VRK2: variants seen among roughly 807,000 people sequenced by gnomAD.
VRK2 encodes the protein VRK serine/threonine kinase 2.
Under a neutral mutation model 57.6 loss-of-function variants are expected in VRK2, and 60 were observed. The observed-to-expected ratio is 1.04, with a 90% confidence interval of 0.85 to 1.29. The LOEUF is 1.29. Ranked by LOEUF, VRK2 falls within the 50% of genes most tolerant of loss-of-function variation. The pLI, the probability that VRK2 is intolerant of heterozygous loss-of-function variation, is 0.00. For synonymous variants in VRK2, 231 were observed against 199.2 expected (o/e 1.16, Z -1.35); for missense variants, 705 against 588.1 (o/e 1.20, Z -2.06).
At chr2:58,134,439 G>A (rs1679674909) in intron 9 of VRK2, among the ~76,000 whole-genome samples, 1 of 151,086 alleles carries the variant, frequency 6.6e-6, no homozygotes, top group Non-Finnish European at 1.5e-5. Flanking sequence ...GTGAAACCCC[G>A]TCTCTACTAA....
intron 2 of VRK2, among the ~76,000 whole-genome samples, chr2:58,065,814 C>CCATG (rs1412179604): frequency 1.3e-5 from 2 of 152,044 alleles, no homozygotes; most frequent in Non-Finnish European, 2.9e-5. Flanking sequence ...CATACTAGTC[C>CCATG]TATACATGTA....
At chr2:58,028,716 TCACACACC>T (rs1186734629) in intron 2 of VRK2, among the ~76,000 whole-genome samples, 1 of 149,584 alleles carries the variant, frequency 6.7e-6, no homozygotes, top group Non-Finnish European at 1.5e-5. Context: ...AAGGGGTACA[TCACACACC>T]GGGGCCTGTT....
At chr2:57,945,251 T>C (rs1176387342) in intron 1 of VRK2, among the ~76,000 whole-genome samples, 1 of 152,194 alleles carries the variant, frequency 6.6e-6, no homozygotes, top group Non-Finnish European at 1.5e-5. Flanking sequence ...AGATCCTGAA[T>C]TATATTTATA....
At chr2:57,973,599 AATT>A (rs1461323916) in intron 1 of VRK2, among the ~76,000 whole-genome samples, 1 of 151,840 alleles carries the variant, frequency 6.6e-6, no homozygotes, top group East Asian at 1.9e-4. Flanking sequence ...ACAAAATAAT[AATT>A]ATCTAGCAGC....
chr2:58,095,263 C>T (rs1672971422), intron 7 of VRK2, among the ~76,000 whole-genome samples: 1 of 145,694 alleles, frequency 6.9e-6, no homozygotes, highest in Non-Finnish European at 1.5e-5. Flanking sequence ...CACTGCACTC[C>T]AGCCTGGGTG....
rs533301651 is a variant in VRK2, at chr2:58,155,037, A to G, written c.1183-4312A>G. On this transcript the variant is annotated intron_variant, in intron 12 of 12. Transcript: ENST00000340157. Reference sequence around the variant, plus strand: ...AAATTTGTTAGGGTTTGTTTTATGGATAGGATATGACGGTCTGCCTGGTTG... The same window carrying G: ...AAATTTGTTAGGGTTTGTTTTATGGGTAGGATATGACGGTCTGCCTGGTTG... Among the ~76,000 whole-genome samples the G allele has an allele frequency of 1.6e-4, 24 of 151,968 alleles. 1 individual carries two copies. Among genetic ancestry groups the G allele is most frequent in the Non-Finnish European group, 3.5e-4 (24 of 68,004 alleles).
At chr2:58,084,251 T>C in intron 3 of VRK2, 113 bp downstream of exon 3, 5 of 1,075,362 alleles carry the variant, frequency 4.6e-6, no homozygotes, top group Non-Finnish European at 6.5e-6. Context: ...GTAAACCTAA[T>C]GTTATCATCT....
At chr2:58,153,274 G>C (rs986583910) in intron 12 of VRK2, among the ~76,000 whole-genome samples, 2 of 151,930 alleles carry the variant, frequency 1.3e-5, no homozygotes, top group Admixed American at 1.3e-4. Flanking sequence ...TCTGAAGTAT[G>C]GATATACCAT....
At chr2:57,946,088 G>C (rs1172619818) in intron 1 of VRK2, among the ~76,000 whole-genome samples, 1 of 152,074 alleles carries the variant, frequency 6.6e-6, no homozygotes, top group East Asian at 1.9e-4. Flanking sequence ...ATTTGCATTA[G>C]TAGGAGAGGA....
At chr2:58,133,743 AT>A (rs1286737653) in intron 9 of VRK2, among the ~76,000 whole-genome samples, 1 of 152,180 alleles carries the variant, frequency 6.6e-6, no homozygotes, top group Non-Finnish European at 1.5e-5. Flanking sequence ...AGATTTTGGA[AT>A]ATTTGCATTA....
chr2:58,004,346 G>T (rs985508586), intron 1 of VRK2, among the ~76,000 whole-genome samples: 1 of 152,100 alleles, frequency 6.6e-6, no homozygotes, highest in Admixed American at 6.5e-5. Context: ...TTTCTAAAAT[G>T]TATTACTGAG....
chr2:58,117,725 C>T (rs923657786), intron 7 of VRK2, among the ~76,000 whole-genome samples: 1 of 152,106 alleles, frequency 6.6e-6, no homozygotes, highest in African/African-American at 2.4e-5. Context: ...TTTGGAACTA[C>T]TGTCAAGTTT....
At position 58,159,724 on chromosome 2, in the gene VRK2, T is replaced by TTTAAG. The variant is rs749229884; in HGVS notation, c.*34_*38dup. 24 of 1,612,086 alleles carry TTTAAG rather than the reference T, an allele frequency of 1.5e-5. No individual in the cohort carries two copies. The highest frequency in any genetic ancestry group is 1.1e-4 in the South Asian group (10 of 90,550). On this transcript the variant is annotated 3_prime_UTR_variant, in exon 13 of 13. Transcript: ENST00000340157. ...ATACCAAAATTCCTTTTGATAATTT[T>TTTAAG]TTAAGTTTCCAGCTCTTCACCGAAA...
chr2:58,159,896 T>C (rs1684846044), downstream of VRK2: 6 of 1,564,418 alleles, frequency 3.8e-6, no homozygotes, highest in Admixed American at 9.8e-5. Context: ...AGTGTCATAG[T>C]ACAGTTTGGA....
At chr2:57,949,702 C>T (rs970362959) in intron 1 of VRK2, among the ~76,000 whole-genome samples, 5 of 152,128 alleles carry the variant, frequency 3.3e-5, no homozygotes, top group African/African-American at 1.2e-4. Context: ...ATATGTCTGT[C>T]ACTTTAAATC....
downstream of VRK2, chr2:58,159,880 T>C (rs1168633995): frequency 2.1e-5 from 34 of 1,590,110 alleles, no homozygotes; most frequent in Non-Finnish European, 2.7e-5. Context: ...AATAGTGTCA[T>C]AGAATAGTGT....
At chr2:58,131,738 A>G (rs1573296400) in intron 8 of VRK2, 70 bp from the exon 9 acceptor site, 2 of 1,485,742 alleles carry the variant, frequency 1.3e-6, no homozygotes, top group Non-Finnish European at 1.8e-6. Flanking sequence ...TAGTAGTTCA[A>G]CCAAAGATTT....
intron 2 of VRK2, among the ~76,000 whole-genome samples, chr2:58,072,345 C>A (rs1434827350): frequency 6.6e-6 from 1 of 151,746 alleles, no homozygotes; most frequent in Non-Finnish European, 1.5e-5. Flanking sequence ...TGCTTTGTTC[C>A]CAGTCTTAAG....
chr2:57,972,470 AT>A (rs1672125820), intron 1 of VRK2, among the ~76,000 whole-genome samples: 1 of 151,764 alleles, frequency 6.6e-6, no homozygotes, highest in South Asian at 2.1e-4. Context: ...GAAACAGTTT[AT>A]TTTTTTCTGC....
Sources: gnomAD v4.1 joint callset for allele counts (sites outside exome capture counted in the v4.1 genomes callset) on GRCh38, gnomAD v4.1.1 for gene constraint, MANE v1.5 for transcripts, NCBI Gene and HGNC (gene_info 2026-07-23, HGNC 2026-07-21) for gene names.